Variants in SLA observed in about 807,000 individuals in gnomAD.
SLA encodes Src like adaptor, also known as src-like-adapter.
Under a neutral mutation model 30.3 loss-of-function variants are expected in SLA, and 16 were observed. The ratio of observed to expected loss-of-function variants is 0.53; its 90% CI spans 0.36 to 0.80. The LOEUF (loss-of-function observed/expected upper bound fraction) is 0.80, where lower values mean the gene tolerates loss of function less well. Ranked by LOEUF, SLA falls within the 30% of genes least tolerant of loss-of-function variation. The probability of loss-of-function intolerance (pLI) is 0.01; values close to 1 mark genes in which losing one functional copy is unlikely to be tolerated. For synonymous variants in SLA, 143 were observed against 137.8 expected (o/e 1.04, Z -0.26); for missense variants, 310 against 345.2 (o/e 0.90, Z 0.81).
chr8:133,096,374 G>A (rs1183117378), intron 1 of SLA: 1 of 1,614,198 alleles, frequency 6.2e-7, no homozygotes, highest in Admixed American at 1.7e-5. Context: ...GGCTGTGAAG[G>A]TAAGCAGGGA....
intron 1 of SLA, among the ~76,000 whole-genome samples, chr8:133,084,773 G>C (rs1334577871): frequency 6.6e-6 from 1 of 152,240 alleles, no homozygotes; most frequent in Non-Finnish European, 1.5e-5. Flanking sequence ...GCCTGGGAAG[G>C]CCTCCACACT....
At chr8:133,083,637 G>A (rs1011662857) in intron 1 of SLA, among the ~76,000 whole-genome samples, 15 of 152,234 alleles carry the variant, frequency 9.9e-5, no homozygotes, top group African/African-American at 3.4e-4. Context: ...GTCAGTGCAA[G>A]AGTCAGTAAG....
At chr8:133,094,242 CTTTT>C (rs765931953) in intron 1 of SLA, among the ~76,000 whole-genome samples, 9 of 126,560 alleles carry the variant, frequency 7.1e-5, no homozygotes, top group Non-Finnish European at 4.9e-5. Context: ...CTGTCGTTTT[CTTTT>C]TTTTTTTTTT....
At chr8:133,091,739 G>A (rs1236614806) in intron 1 of SLA, among the ~76,000 whole-genome samples, 1 of 151,814 alleles carries the variant, frequency 6.6e-6, no homozygotes, top group South Asian at 2.1e-4. Context: ...TATGTGTGTG[G>A]GTGTATATTT....
At chr8:133,063,973 G>A (rs747780893) in intron 2 of SLA, 5 of 152,212 alleles carry the variant, frequency 3.3e-5, no homozygotes, top group Non-Finnish European at 7.3e-5. Flanking sequence ...AGACATAATT[G>A]CTTCTAAGAA....
In SLA at chr8:133,036,857, C is replaced by T. The variant is rs148063734; in HGVS notation, c.*1667G>A. ...AATGTTCCAATCACATTCGTCACAACGGAAAACAACACATAAGATACTGTG... is the reference window on the plus strand; with the variant it reads ...AATGTTCCAATCACATTCGTCACAATGGAAAACAACACATAAGATACTGTG... On this transcript the variant is annotated 3_prime_UTR_variant, in exon 9 of 9. Transcript: ENST00000338087. 188 of 152,678 alleles carry T rather than the reference C, an allele frequency of 1.2e-3. No homozygotes were observed. Among genetic ancestry groups the T allele is most frequent in the East Asian group, 5.0e-3 (26 of 5,178 alleles). The allele number at this position is 152,678 out of a possible 1,614,324, so 9.5% of individuals were successfully genotyped here.
At chr8:133,058,628 G>A (rs1841891292) in intron 3 of SLA, among the ~76,000 whole-genome samples, 1 of 152,208 alleles carries the variant, frequency 6.6e-6, no homozygotes, top group South Asian at 2.1e-4. Context: ...GACCAGAGGA[G>A]GAGGCTGTGG....
At chr8:133,051,724 G>A (rs1840448869) in intron 3 of SLA, among the ~76,000 whole-genome samples, 1 of 152,180 alleles carries the variant, frequency 6.6e-6, no homozygotes, top group South Asian at 2.1e-4. Context: ...TCTATCCTTA[G>A]TGATTTGATG....
intron 2 of SLA, among the ~76,000 whole-genome samples, chr8:133,074,298 CT>C (rs1844533091): frequency 6.6e-6 from 1 of 152,188 alleles, no homozygotes; most frequent in Non-Finnish European, 1.5e-5. Context: ...CCAAGTAGCG[CT>C]ATTGCAATCC....
At chr8:133,094,012 C>G (rs947782152) in intron 1 of SLA, among the ~76,000 whole-genome samples, 2 of 152,174 alleles carry the variant, frequency 1.3e-5, no homozygotes, top group African/African-American at 4.8e-5. Context: ...GTATCACCAC[C>G]ACTGCCTCCC....
chr8:133,085,351 A>G (rs1181042443), intron 1 of SLA, among the ~76,000 whole-genome samples: 6 of 152,240 alleles, frequency 3.9e-5, no homozygotes, highest in African/African-American at 1.4e-4. Flanking sequence ...AAATAGATAC[A>G]TCGGATTTCA....
At chr8:133,068,121 C>G (rs1056879940) in intron 2 of SLA, among the ~76,000 whole-genome samples, 2 of 152,180 alleles carry the variant, frequency 1.3e-5, no homozygotes, top group African/African-American at 4.8e-5. Context: ...AGTAGCAACT[C>G]AACACTCTCA....
intron 1 of SLA, chr8:133,094,978 G>T: frequency 6.2e-7 from 1 of 1,608,068 alleles, no homozygotes; most frequent in African/African-American, 1.3e-5. Flanking sequence ...TGGCACTGAG[G>T]ACTCCAGGTG....
At chr8:133,087,107 C>T (rs1283029380) in intron 1 of SLA, among the ~76,000 whole-genome samples, 1 of 125,158 alleles carries the variant, frequency 8.0e-6, no homozygotes, top group Non-Finnish European at 1.8e-5. Flanking sequence ...CACACACACA[C>T]ACACACACAC....
At chr8:133,049,625 T>A in intron 5 of SLA, 1 of 432,320 alleles carries the variant, frequency 2.3e-6, no homozygotes, top group Non-Finnish European at 4.3e-6. Context: ...CCATAACATT[T>A]CCCAGCTGTT....
In SLA at chr8:133,038,659, G is replaced by T. The variant is rs1185798830; in HGVS notation, c.696C>A (p.Ser232Arg). The change falls in exon 9 of 9, where the codon AGC (serine) becomes AGA (arginine). Residue 232 changes from serine (S) to arginine (R), a missense_variant. Ser to Arg is a moderately radical substitution (Grantham distance 110). Coordinates refer to ENST00000338087, the MANE Select transcript of SLA (RefSeq NM_001045556.3). Reference sequence around the variant, plus strand: ...TGGTCAGGGACAGGTAAGAGGCAATGCTCTCTCGAAGGCCATAGCTGAAAA... The same window carrying T: ...TGGTCAGGGACAGGTAAGAGGCAATTCTCTCTCGAAGGCCATAGCTGAAAA... ...ESLFSYGLRE[S>R]IASYLSLTSE... The T allele has an allele frequency of 6.2e-7, 1 of 1,613,732 alleles. No individual in the cohort carries two copies.
At chr8:133,044,033 G>A (rs1016133923) in intron 7 of SLA, among the ~76,000 whole-genome samples, 1 of 152,144 alleles carries the variant, frequency 6.6e-6, no homozygotes, top group African/African-American at 2.4e-5. Flanking sequence ...GGATCCTCAC[G>A]GTGTCCTTGG....
Position 133,040,421 on chromosome 8 carries a change from G to A in SLA, c.485-291C>T, listed in dbSNP as rs141773270. The A allele has an allele frequency of 2.6e-3, 911 of 355,280 alleles. 6 individuals are homozygous for A. The highest frequency in any genetic ancestry group is 0.017 in the African/African-American group (813 of 48,768). 22.0% of individuals were successfully genotyped at this position (355,280 alleles called of 1,614,324 possible). A position where few individuals can be genotyped will look rare whatever the true frequency, so the allele number is the denominator to read the frequency against. ...TGGGTTTGAATTTTAGCTTTACCCCGATAGTAAATTATCAAGAACGTCTCT... is the reference window on the plus strand; with the variant it reads ...TGGGTTTGAATTTTAGCTTTACCCCAATAGTAAATTATCAAGAACGTCTCT... On this transcript the variant is annotated intron_variant, in intron 7 of 8. Coordinates refer to ENST00000338087, the MANE Select transcript of SLA (RefSeq NM_001045556.3).
intron 5 of SLA, 49 bp downstream of exon 5, chr8:133,049,853 C>G: frequency 8.5e-7 from 1 of 1,180,604 alleles, no homozygotes; most frequent in Non-Finnish European, 1.3e-6. Context: ...TTATGAGTCA[C>G]CAGCATACGC....
Sources: gnomAD v4.1 joint callset for allele counts (sites outside exome capture counted in the v4.1 genomes callset) on GRCh38, gnomAD v4.1.1 for gene constraint, MANE v1.5 for transcripts, NCBI Gene and HGNC (gene_info 2026-07-23, HGNC 2026-07-21) for gene names.